The following PTPRK variants were observed in gnomAD, a reference collection of about 807,000 sequenced individuals.
The protein encoded by PTPRK is protein tyrosine phosphatase receptor type K.
A neutral mutation model predicts 178.0 loss-of-function variants in PTPRK; 75 were observed. The observed-to-expected ratio is 0.42, with a 90% CI of 0.35 to 0.51. The LOEUF (loss-of-function observed/expected upper bound fraction) is 0.51, where lower values mean the gene tolerates loss of function less well. Among genes scored for constraint, PTPRK ranks in the 20% least tolerant of loss-of-function variants. The pLI, the probability that PTPRK is intolerant of heterozygous loss-of-function variation, is 0.02. For missense variants in PTPRK, 1,441 were observed against 1,797.8 expected, an observed-to-expected ratio of 0.80 and a Z score of 3.59; for synonymous variants, 637 against 620.6, an observed-to-expected ratio of 1.03 and a Z score of -0.39.
chr6:128,495,471 CTCCTTAAATGTTA>C (rs1854518061), intron 1 of PTPRK, among the ~76,000 whole-genome samples: 1 of 151,874 alleles, frequency 6.6e-6, no homozygotes, highest in Non-Finnish European at 1.5e-5. Context: ...AAAAAAAATC[CTCCTTAAATGTTA>C]CAGTTCAAAC....
chr6:128,488,925 A>C (rs1853365853), intron 1 of PTPRK, among the ~76,000 whole-genome samples: 1 of 147,832 alleles, frequency 6.8e-6, no homozygotes, highest in Non-Finnish European at 1.5e-5. Context: ...ACTCACACAC[A>C]AAAAAAAAAT....
At chr6:128,329,890 T>C (rs1168526979) in intron 2 of PTPRK, among the ~76,000 whole-genome samples, 1 of 152,144 alleles carries the variant, frequency 6.6e-6, no homozygotes, top group Non-Finnish European at 1.5e-5. Context: ...TTTCTTCCAC[T>C]CTAGTCTCTC....
intron 13 of PTPRK, among the ~76,000 whole-genome samples, chr6:128,034,464 C>T (rs1775871338): frequency 6.6e-6 from 1 of 152,140 alleles, no homozygotes. Context: ...AAGCTGTATT[C>T]ATTCACACAT....
chr6:128,382,726 C>T (rs1434680328), intron 2 of PTPRK, among the ~76,000 whole-genome samples: 1 of 152,100 alleles, frequency 6.6e-6, no homozygotes, highest in Non-Finnish European at 1.5e-5. Context: ...AGGTGTTAGC[C>T]ACCACACCCA....
At chr6:128,153,633 T>C (rs1469623738) in intron 7 of PTPRK, among the ~76,000 whole-genome samples, 2 of 151,930 alleles carry the variant, frequency 1.3e-5, no homozygotes, top group African/African-American at 2.4e-5. Context: ...ACAATGAATG[T>C]AAGCAAATAT....
chr6:128,434,578 T>C (rs1434657949), intron 1 of PTPRK, among the ~76,000 whole-genome samples: 1 of 152,150 alleles, frequency 6.6e-6, no homozygotes, highest in African/African-American at 2.4e-5. Context: ...GCTGAAGTGT[T>C]AAATGAGAGC....
chr6:128,153,951 A>T (rs1345013438), intron 7 of PTPRK, among the ~76,000 whole-genome samples: 61 of 151,890 alleles, frequency 4.0e-4, no homozygotes, highest in Non-Finnish European at 6.2e-4. Flanking sequence ...GTCCCAAGAA[A>T]AAAGTAAAAC....
At chr6:128,494,267 C>T (rs117773075) in intron 1 of PTPRK, among the ~76,000 whole-genome samples, 2,467 of 149,486 alleles carry the variant, frequency 0.017, 31 homozygotes, top group Non-Finnish European at 0.026. Flanking sequence ...TTAATTGTTT[C>T]GATAAGATTA....
intron 18 of PTPRK, 75 bp downstream of exon 18, chr6:127,995,387 T>C: frequency 3.3e-6 from 5 of 1,497,382 alleles, no homozygotes; most frequent in Non-Finnish European, 2.8e-6. Flanking sequence ...TAGCAATCAC[T>C]TTATAGGTAA....
chr6:127,974,118 C>T (rs1340959680), intron 27 of PTPRK, among the ~76,000 whole-genome samples: 1 of 152,176 alleles, frequency 6.6e-6, no homozygotes. Context: ...TTTATCACCA[C>T]TGACATCAAT....
At chr6:128,308,921 T>A (rs1288522850) in intron 3 of PTPRK, among the ~76,000 whole-genome samples, 2 of 151,964 alleles carry the variant, frequency 1.3e-5, no homozygotes, top group Non-Finnish European at 2.9e-5. Context: ...TACACCGGAG[T>A]AGGCCTGGAG....
chr6:128,137,917 C>T (rs1258828639), intron 7 of PTPRK, among the ~76,000 whole-genome samples: 1 of 151,978 alleles, frequency 6.6e-6, no homozygotes, highest in Non-Finnish European at 1.5e-5. Flanking sequence ...ATAAATGAAG[C>T]TCACCCCACA....
chr6:128,070,664 C>T (rs1782660762), intron 11 of PTPRK, among the ~76,000 whole-genome samples: 1 of 151,868 alleles, frequency 6.6e-6, no homozygotes, highest in Non-Finnish European at 1.5e-5. Flanking sequence ...ATAACCCTCC[C>T]ACTCTACCAC....
At position 128,324,732 on chromosome 6, in the gene PTPRK, T is replaced by A. The variant is rs1265351822; in HGVS notation, c.224-2422A>T. 2.6e-5 allele frequency among the ~76,000 whole-genome samples: 4 copies of A among 152,140 alleles called. 1 individual carries two copies. Among genetic ancestry groups the A allele is most frequent in the Admixed American group, 2.6e-4 (4 of 15,258 alleles). On this transcript the variant is annotated intron_variant, in intron 2 of 29. Transcript: ENST00000368226. ...GTTCCAGAAAGGAGGAAGAAAGCAC[T>A]AGCACCAAAAAGCCATCTAAATCTT...
At chr6:128,347,694 C>T (rs900629359) in intron 2 of PTPRK, among the ~76,000 whole-genome samples, 2 of 151,928 alleles carry the variant, frequency 1.3e-5, no homozygotes. Flanking sequence ...TGTTTTTCCT[C>T]GTGTAAAACA....
chr6:127,976,603 T>G, intron 27 of PTPRK, 54 bp downstream of exon 27: 2 of 1,598,984 alleles, frequency 1.3e-6, no homozygotes, highest in Admixed American at 3.3e-5. Context: ...ATACCACATC[T>G]TGGTTATGAC....
chr6:128,407,846 GT>G (rs1841873780), intron 1 of PTPRK, among the ~76,000 whole-genome samples: 1 of 151,972 alleles, frequency 6.6e-6, no homozygotes. Context: ...AAACCAAGAA[GT>G]TTTTAAATTT....
At position 128,113,328 on chromosome 6, in the gene PTPRK, CACAT is replaced by C. The variant is rs1374579947; in HGVS notation, c.1163-23340_1163-23337del. ...GTTAACAGTTAGTTGTTGCTTTGTG[CACAT>C]ACATAATTTCTAATATAAGCATGTA... On this transcript the variant is annotated intron_variant, in intron 7 of 29. Transcript: ENST00000368226. 3.3e-5 allele frequency among the ~76,000 whole-genome samples: 5 copies of C among 150,820 alleles called. 1 individual carries two copies. The highest frequency in any genetic ancestry group is 7.4e-5 in the Non-Finnish European group (5 of 67,710).
chr6:128,259,132 T>C (rs1817795796), intron 3 of PTPRK, among the ~76,000 whole-genome samples: 1 of 152,060 alleles, frequency 6.6e-6, no homozygotes, highest in African/African-American at 2.4e-5. Flanking sequence ...TAGCAGTGCT[T>C]CCCAAATGCT....
Sources: gnomAD v4.1 joint callset for allele counts (sites outside exome capture counted in the v4.1 genomes callset) on GRCh38, gnomAD v4.1.1 for gene constraint, MANE v1.5 for transcripts, NCBI Gene and HGNC (gene_info 2026-07-23, HGNC 2026-07-21) for gene names.